The following SCARA3 variants were observed in gnomAD, a reference collection of about 807,000 sequenced individuals.
SCARA3 encodes the protein scavenger receptor class A member 3, also known as cellular stress response gene protein.
In SCARA3, 39 loss-of-function variants were observed where a neutral mutation model predicts 47.0. The observed-to-expected ratio is 0.83, with a 90% CI of 0.64 to 1.08. The LOEUF is 1.08. Ranked by LOEUF, SCARA3 falls within the 50% of genes least tolerant of loss-of-function variation. SCARA3 has a pLI of 0.00. For missense variants in SCARA3, 724 were observed against 792.3 expected (o/e 0.91, Z 1.04); for synonymous variants, 356 against 334.1 (o/e 1.07, Z -0.71).
Position 27,670,999 on chromosome 8 carries a change from GC to G in SCARA3, c.1474del (p.Leu492TrpfsTer52). ...CCGAAAGGAGACCCCGGCAGCTTGGGCCCCCTGGGACCCCAGGGTCCTCAGG... is the reference window on the plus strand; with the variant it reads ...CCGAAAGGAGACCCCGGCAGCTTGGGCCCCTGGGACCCCAGGGTCCTCAGG... Reference protein sequence around the residue: ...RGPKGDPGSLGPLGPQGPQGQ... With the variant: ...RGPKGDPGSLXPLGPQGPQGQ... On this transcript the variant is annotated frameshift_variant, in exon 6 of 6. Transcript: ENST00000301904. LOFTEE classifies it high-confidence loss of function. 2 of 1,609,132 alleles carry G rather than the reference GC, an allele frequency of 1.2e-6. No individual in the cohort carries two copies. Among genetic ancestry groups the G allele is most frequent in the Non-Finnish European group, 1.7e-6 (2 of 1,178,684 alleles).
At position 27,656,890 on chromosome 8, in the gene SCARA3, T is replaced by C. The variant is rs766372903; in HGVS notation, c.325+10T>C. The C allele has an allele frequency of 7.2e-6, 11 of 1,530,802 alleles. No individual in the cohort carries two copies. The African/African-American group carries it at 8.2e-5, about 11-fold the overall frequency. 94.8% of individuals were successfully genotyped at this position (1,530,802 alleles called of 1,614,324 possible). A position where few individuals can be genotyped will look rare whatever the true frequency, so the allele number is the denominator to read the frequency against. Reference sequence around the variant, plus strand: ...AATCTCCAGGGCCTGGGTAAGTAGATGGGCTGATGACTGTGATGCAGTGAT... The same window carrying C: ...AATCTCCAGGGCCTGGGTAAGTAGACGGGCTGATGACTGTGATGCAGTGAT... On this transcript the variant is annotated intron_variant, in intron 4 of 5. Coordinates refer to ENST00000301904, the MANE Select transcript of SCARA3 (RefSeq NM_016240.3).
the SCARA3 span, among the ~76,000 whole-genome samples, chr8:27,686,292 T>A: frequency 6.6e-6 from 1 of 151,708 alleles, no homozygotes; most frequent in Non-Finnish European, 1.5e-5. Flanking sequence ...AAGGAAAAAA[T>A]TAGCCAGGTG....
the SCARA3 span, among the ~76,000 whole-genome samples, chr8:27,731,593 G>T: frequency 7.5e-6 from 1 of 133,792 alleles, no homozygotes; most frequent in East Asian, 2.2e-4. Flanking sequence ...AGTGAGCCAA[G>T]ATCTTGCCAT....
rs570295905 is a variant in SCARA3 at position 27,643,240 on chromosome 8, G to T, written c.8-6462G>T. Reference sequence around the variant, plus strand: ...TAAAGGGGATTTAGGATAAAGCAGGGATTTACCCACAACCTCTGTGGTTAC... The same window carrying T: ...TAAAGGGGATTTAGGATAAAGCAGGTATTTACCCACAACCTCTGTGGTTAC... On this transcript the variant is annotated intron_variant, in intron 1 of 5. Coordinates refer to ENST00000301904, the MANE Select transcript of SCARA3 (RefSeq NM_016240.3). Among the ~76,000 whole-genome samples the T allele has an allele frequency of 2.0e-5, 3 of 152,338 alleles. No homozygotes were observed. The East Asian group carries it at 5.8e-4, about 29-fold the overall frequency.
In SCARA3 at chr8:27,649,800, G is replaced by A. The variant is rs371750904; in HGVS notation, c.106G>A (p.Gly36Ser). The change falls in exon 2 of 6, where the codon GGC (glycine) becomes AGC (serine). Residue 36 changes from glycine (G) to serine (S), a missense_variant and splice_region_variant. Physicochemically the swap from Gly to Ser is moderately conservative, Grantham distance 56. Transcript: ENST00000301904. ...GCCGACCTTCCCATGCACCCAGAAG[G>A]GTAAGGACTCTGGGGCTGCCCCTGA... is the stretch of plus-strand genomic sequence containing the variant. ...DMPTFPCTQK[G>S]RPGPRCSRCQ... 21 of 1,612,704 alleles carry A rather than the reference G, an allele frequency of 1.3e-5. No homozygotes were observed. Among genetic ancestry groups the A allele is most frequent in the Non-Finnish European group, 1.7e-5 (20 of 1,178,960 alleles).
chr8:27,665,840 G>C (rs771037459), intron 5 of SCARA3, among the ~76,000 whole-genome samples: 5 of 152,320 alleles, frequency 3.3e-5, no homozygotes, highest in Admixed American at 6.5e-5. Flanking sequence ...AAATTGCTTG[G>C]AGACCTAGGC....
the SCARA3 span, among the ~76,000 whole-genome samples, chr8:27,715,824 T>TGATAGATA: frequency 0.11 from 13,303 of 118,820 alleles, 653 homozygotes; most frequent in East Asian, 0.13. This position sits in a 1 kb window ranked among gnomAD's most constrained non-coding sequence, Gnocchi z 4.2. Context: ...GATAGATAGA[T>TGATAGATA]GATAGATAGA....
At chr8:27,654,210 A>G (rs1801694098) in intron 3 of SCARA3, among the ~76,000 whole-genome samples, 1 of 152,232 alleles carries the variant, frequency 6.6e-6, no homozygotes, top group South Asian at 2.1e-4. Flanking sequence ...CAATAGGCAT[A>G]TAGGTCTTCA....
chr8:27,678,932 A>T (rs1802317441), downstream of SCARA3, among the ~76,000 whole-genome samples: 3 of 152,168 alleles, frequency 2.0e-5, no homozygotes, highest in Admixed American at 6.5e-5. Context: ...TCACGCCTGT[A>T]ATCCCAGCAC....
Position 27,656,846 on chromosome 8 carries a change from G to A in SCARA3, c.291G>A (p.Lys97=), listed in dbSNP as rs780933421. 1.2e-6 allele frequency: 2 copies of A among 1,612,746 alleles called. No homozygotes were observed. ...ISLTQSIYDK[K]LVLMQKNLQG... ...TGACCCAGTCTATTTATGACAAGAA[G>A]CTTGTGTTAATGCAGAAAAATCTCC... Residue 97 remains lysine, a synonymous_variant, in exon 4 of 6, where the codon AAG becomes AAA. Transcript: ENST00000301904.
At chr8:27,694,036 T>A in the SCARA3 span, among the ~76,000 whole-genome samples, 1 of 152,200 alleles carries the variant, frequency 6.6e-6, no homozygotes, top group Admixed American at 6.5e-5. Flanking sequence ...ATGTCACAGG[T>A]GCATTCTTAA....
chr8:27,714,020 C>G, the SCARA3 span, among the ~76,000 whole-genome samples: 1 of 152,126 alleles, frequency 6.6e-6, no homozygotes, highest in East Asian at 1.9e-4. Context: ...CTCTCTTGCT[C>G]CCGCTTTTAC....
At chr8:27,648,712 A>G (rs960495540) in intron 1 of SCARA3, among the ~76,000 whole-genome samples, 3 of 152,270 alleles carry the variant, frequency 2.0e-5, no homozygotes, top group Non-Finnish European at 4.4e-5. Context: ...AACTACAGAC[A>G]TACTGCTAAG....
At chr8:27,651,166 G>A (rs905847509) in intron 2 of SCARA3, among the ~76,000 whole-genome samples, 2 of 152,260 alleles carry the variant, frequency 1.3e-5, no homozygotes, top group Non-Finnish European at 2.9e-5. Flanking sequence ...ACTCAGTGGG[G>A]CCTCAGGCTG....
At chr8:27,676,545 C>G (rs905760070), downstream of SCARA3, 7 of 1,610,926 alleles carry the variant, frequency 4.3e-6, no homozygotes, top group Middle Eastern at 4.9e-4. Context: ...ATTAGAACAT[C>G]TCAATGTGTT....
At chr8:27,684,987 G>A in the SCARA3 span, among the ~76,000 whole-genome samples, 1 of 152,174 alleles carries the variant, frequency 6.6e-6, no homozygotes, top group East Asian at 1.9e-4. Context: ...AATAATAAAG[G>A]GTAGAAATCA....
At chr8:27,642,383 T>G (rs58062886) in intron 1 of SCARA3, among the ~76,000 whole-genome samples, 1,728 of 152,328 alleles carry the variant, frequency 0.011, 24 homozygotes, top group African/African-American at 0.039. Flanking sequence ...TACGTCTCAT[T>G]GGATTTTCAC....
chr8:27,647,986 A>G (rs1397216280), intron 1 of SCARA3, among the ~76,000 whole-genome samples: 2 of 152,152 alleles, frequency 1.3e-5, no homozygotes, highest in African/African-American at 2.4e-5. Context: ...CCCATCAATC[A>G]TGGTCAGGAG....
At chr8:27,718,668 A>G in the SCARA3 span, among the ~76,000 whole-genome samples, 1 of 152,248 alleles carries the variant, frequency 6.6e-6, no homozygotes, top group African/African-American at 2.4e-5. Flanking sequence ...AATATCAGAT[A>G]TGGAGATGTA....
Sources: gnomAD v4.1 joint callset for allele counts (sites outside exome capture counted in the v4.1 genomes callset) on GRCh38, gnomAD v4.1.1 for gene constraint, Gnocchi (gnomAD v3.1) non-coding constraint, MANE v1.5 for transcripts, NCBI Gene and HGNC (gene_info 2026-07-23, HGNC 2026-07-21) for gene names.